GNAL: variants seen among roughly 807,000 people sequenced by gnomAD.
The protein encoded by GNAL is G protein subunit alpha L.
GNAL carries 18 observed loss-of-function variants against 55.1 expected under a neutral mutation model. The ratio of observed to expected loss-of-function variants is 0.33; its 90% CI spans 0.23 to 0.48. GNAL has a LOEUF of 0.48. Among genes scored for constraint, GNAL ranks in the 20% least tolerant of loss-of-function variants. The pLI is 0.99. For synonymous variants in GNAL, 253 were observed against 237.0 expected, an observed-to-expected ratio of 1.07 and a Z score of -0.62; for missense variants, 412 against 614.1, an observed-to-expected ratio of 0.67 and a Z score of 3.48.
chr18:11,880,983 T>C lies in GNAL; in HGVS notation c.1231-6T>C. ...GCAGGGCTAGTGCACACGCTCTCTC[T>C]TGCAGAGGATCAGCACGGCCACCGG... On this transcript the variant is annotated splice_region_variant and splice_polypyrimidine_tract_variant and intron_variant, in intron 11 of 11. Transcript: ENST00000334049. 1 of 1,613,634 alleles carries C rather than the reference T, an allele frequency of 6.2e-7. No individual in the cohort carries two copies. Among genetic ancestry groups the C allele is most frequent in the Non-Finnish European group, 8.5e-7 (1 of 1,179,758 alleles).
chr18:11,808,609 A>G (rs527766027), intron 4 of GNAL, among the ~76,000 whole-genome samples: 1 of 152,354 alleles, frequency 6.6e-6, no homozygotes, highest in South Asian at 2.1e-4. Context: ...ATATAGATCC[A>G]GATGTTTCTC....
intron 5 of GNAL, among the ~76,000 whole-genome samples, chr18:11,850,574 C>T (rs1005607129): frequency 2.6e-5 from 4 of 152,074 alleles, no homozygotes; most frequent in African/African-American, 7.2e-5. Context: ...GATGTATGCC[C>T]GTGGGTGTGG....
intron 4 of GNAL, among the ~76,000 whole-genome samples, chr18:11,802,482 C>A (rs1199321381): frequency 6.6e-6 from 1 of 152,168 alleles, no homozygotes; most frequent in East Asian, 1.9e-4. Flanking sequence ...CTCTTGAGAC[C>A]AGTCTTGTTG....
chr18:11,744,168 A>G (rs1248144466), intron 1 of GNAL, among the ~76,000 whole-genome samples: 3 of 152,292 alleles, frequency 2.0e-5, no homozygotes, highest in South Asian at 2.1e-4. Flanking sequence ...CATGTAACCT[A>G]CTTTTCCTAC....
At chr18:11,768,324 G>A (rs1426448337) in intron 4 of GNAL, among the ~76,000 whole-genome samples, 2 of 152,156 alleles carry the variant, frequency 1.3e-5, no homozygotes, top group Non-Finnish European at 2.9e-5. Flanking sequence ...GTATAGGCCG[G>A]GCACCGTGGC....
In GNAL at chr18:11,748,666, G is replaced by A. The variant is rs112978073; in HGVS notation, c.377-4187G>A. 9.3e-3 allele frequency among the ~76,000 whole-genome samples: 1,421 copies of A among 152,164 alleles called. 10 individuals carry two copies. Among genetic ancestry groups the A allele is most frequent in the African/African-American group, 0.017 (715 of 41,506 alleles). ...CTAAATATCAGACTTCCTTAAAAAT[G>A]TGACTTCTAGGTTCTAACATAATTC... is the stretch of plus-strand genomic sequence containing the variant. On this transcript the variant is annotated intron_variant, in intron 1 of 11. Coordinates refer to ENST00000334049, the MANE Select transcript of GNAL (RefSeq NM_182978.4).
chr18:11,852,575 CTG>C (rs1341482426), intron 5 of GNAL: 1 of 168,794 alleles, frequency 5.9e-6, no homozygotes, highest in Admixed American at 6.3e-5. Context: ...ATTCGGTGGA[CTG>C]TGCTATTTCT....
chr18:11,835,865 C>G (rs1368571089), intron 5 of GNAL, among the ~76,000 whole-genome samples: 1 of 152,214 alleles, frequency 6.6e-6, no homozygotes, highest in Non-Finnish European at 1.5e-5. Context: ...GTGCGTCCCA[C>G]CAGGCGAGGT....
Position 11,737,703 on chromosome 18 carries a change from G to A in GNAL, c.377-15150G>A, listed in dbSNP as rs115110709. Among the ~76,000 whole-genome samples, 1,523 of 152,344 alleles carry A rather than the reference G, an allele frequency of 1.0e-2. 26 individuals carry two copies. Among genetic ancestry groups the A allele is most frequent in the African/African-American group, 0.035 (1,448 of 41,570 alleles). ...GTCATCTGACCAGAGTAGCCATGGGGACTGAAATCCGGATGCCTCTGCTCT... is the reference window on the plus strand; with the variant it reads ...GTCATCTGACCAGAGTAGCCATGGGAACTGAAATCCGGATGCCTCTGCTCT... On this transcript the variant is annotated intron_variant, in intron 1 of 11. Coordinates refer to ENST00000334049, the MANE Select transcript of GNAL (RefSeq NM_182978.4).
At chr18:11,723,913 A>G (rs958249307) in intron 1 of GNAL, among the ~76,000 whole-genome samples, 1 of 152,228 alleles carries the variant, frequency 6.6e-6, no homozygotes, top group Non-Finnish European at 1.5e-5. Context: ...TCTTCTGAGC[A>G]TGAAAGGCAG....
intron 4 of GNAL, 79 bp from the exon 5 acceptor site, chr18:11,824,839 G>A (rs1018186402): frequency 2.6e-6 from 2 of 764,422 alleles, no homozygotes; most frequent in Admixed American, 2.5e-5. Context: ...AACAGTTTTT[G>A]CAGTTTCTTT....
rs1192553425 is a variant in GNAL, at chr18:11,805,418, G to A, written c.625-19500G>A. ...CTTGGGTGGAACATGGAGATATTGT[G>A]TAGTGGTGAAGTCTGAGTTTTTAGT... On this transcript the variant is annotated intron_variant, in intron 4 of 11. Coordinates refer to ENST00000334049, the MANE Select transcript of GNAL (RefSeq NM_182978.4). 2.0e-5 allele frequency among the ~76,000 whole-genome samples: 3 copies of A among 152,158 alleles called. No individual in the cohort carries two copies. In the South Asian group the frequency reaches 6.2e-4, roughly 32 times the overall value.
chr18:11,741,488 C>G (rs1014217992), intron 1 of GNAL, among the ~76,000 whole-genome samples: 3 of 152,212 alleles, frequency 2.0e-5, no homozygotes, highest in Non-Finnish European at 2.9e-5. Context: ...CCGCTGTAAT[C>G]GTTACAGAAT....
rs895971534 is a variant in GNAL, at chr18:11,751,570, C to A, written c.377-1283C>A. 21 of 985,360 alleles carry A rather than the reference C, an allele frequency of 2.1e-5. No homozygotes were observed. The highest frequency in any genetic ancestry group is 2.3e-5 in the Non-Finnish European group (19 of 829,976). The allele number at this position is 985,360 out of a possible 1,614,324, so 61.0% of individuals were successfully genotyped here. A position where few individuals can be genotyped will look rare whatever the true frequency, so the allele number is the denominator to read the frequency against. ...TGCATGATCCTCCGCGAGTCTTCGC[C>A]CGCCAGGAGCAGGGACGCGTCCGAG... On this transcript the variant is annotated intron_variant, in intron 1 of 11. Transcript: ENST00000334049. This position sits in a 1 kb window ranked among gnomAD's most constrained non-coding sequence, Gnocchi z 4.5.
intron 4 of GNAL, among the ~76,000 whole-genome samples, chr18:11,786,507 G>A (rs1270679347): frequency 1.6e-5 from 2 of 123,514 alleles, no homozygotes; most frequent in African/African-American, 6.1e-5. Context: ...GGAGTGCAGT[G>A]GCGCTGTCTC....
intron 1 of GNAL, among the ~76,000 whole-genome samples, chr18:11,743,541 T>G (rs2032625493): frequency 6.6e-6 from 1 of 152,140 alleles, no homozygotes; most frequent in Non-Finnish European, 1.5e-5. Flanking sequence ...GAAAGAAACT[T>G]TGTTCATATA....
chr18:11,691,517 G>A (rs13353244), intron 1 of GNAL, among the ~76,000 whole-genome samples: 42,979 of 139,460 alleles, frequency 0.31, 8,292 homozygotes, highest in African/African-American at 0.63. Context: ...TTGGTGTTTT[G>A]GACATGAAGT....
rs1262404977 is a variant in GNAL at position 11,883,516 on chromosome 18, A to T, written c.*2381A>T. 1 of 153,676 alleles carries T rather than the reference A, an allele frequency of 6.5e-6. No homozygotes were observed. The highest frequency in any genetic ancestry group is 1.5e-5 in the Non-Finnish European group (1 of 68,040). 9.5% of individuals were successfully genotyped at this position (153,676 alleles called of 1,614,324 possible). A position where few individuals can be genotyped will look rare whatever the true frequency, so the allele number is the denominator to read the frequency against. On this transcript the variant is annotated 3_prime_UTR_variant, in exon 12 of 12. Transcript: ENST00000334049. The stretch of plus-strand genomic sequence containing the variant: ...TTAAAGCATTTATTTTCAGGTACCA[A>T]AAGCCATATCCCATTCCACTTTTTA...
At chr18:11,692,358 AAAC>A (rs372502201) in intron 1 of GNAL, among the ~76,000 whole-genome samples, 147 of 152,328 alleles carry the variant, frequency 9.7e-4, no homozygotes, top group South Asian at 6.0e-3. Flanking sequence ...ATTTTTGAAG[AAAC>A]AACAACAACA....
Sources: gnomAD v4.1 joint callset for allele counts (sites outside exome capture counted in the v4.1 genomes callset) on GRCh38, gnomAD v4.1.1 for gene constraint, Gnocchi (gnomAD v3.1) non-coding constraint, MANE v1.5 for transcripts, NCBI Gene and HGNC (gene_info 2026-07-23, HGNC 2026-07-21) for gene names.